The following SAFB2 variants were observed in gnomAD, a reference collection of about 807,000 sequenced individuals.
SAFB2 encodes scaffold attachment factor B2.
A neutral mutation model predicts 100.6 loss-of-function variants in SAFB2; 32 were observed. That is an observed-to-expected ratio of 0.32 (90% CI 0.24 to 0.43). SAFB2 has a LOEUF of 0.43. Ranked by LOEUF, SAFB2 falls within the 20% of genes least tolerant of loss-of-function variation. SAFB2 has a pLI of 1.00. For synonymous variants in SAFB2, 500 were observed against 439.4 expected (o/e 1.14, Z -1.72); for missense variants, 1,185 against 1,163.4 (o/e 1.02, Z -0.27).
Position 5,610,713 on chromosome 19 carries a change from C to A in SAFB2, c.1146-25G>T, listed in dbSNP as rs1316799241. 2 of 1,468,304 alleles carry A rather than the reference C, an allele frequency of 1.4e-6. No homozygotes were observed. The highest frequency in any genetic ancestry group is 2.0e-5 in the Admixed American group (1 of 49,146). The allele number at this position is 1,468,304 out of a possible 1,614,324, so 91.0% of individuals were successfully genotyped here. A position where few individuals can be genotyped will look rare whatever the true frequency, so the allele number is the denominator to read the frequency against. Reference sequence around the variant, plus strand: ...GCTAGAGACAAAAGTTAATGTTACTCATACAGGAAAAAAACGAAAGAGAAC... The same window carrying A: ...GCTAGAGACAAAAGTTAATGTTACTAATACAGGAAAAAAACGAAAGAGAAC... On this transcript the variant is annotated intron_variant, in intron 7 of 20. Coordinates refer to ENST00000252542, the MANE Select transcript of SAFB2 (RefSeq NM_014649.3).
intron 2 of SAFB2, among the ~76,000 whole-genome samples, chr19:5,620,833 C>T (rs1336688465): frequency 6.6e-6 from 1 of 152,166 alleles, no homozygotes; most frequent in Non-Finnish European, 1.5e-5. Flanking sequence ...GTGAATTAAA[C>T]CTTCACATTC....
chr19:5,608,825 G>A (rs1433437815), intron 9 of SAFB2, among the ~76,000 whole-genome samples: 13 of 152,270 alleles, frequency 8.5e-5, no homozygotes, highest in African/African-American at 2.4e-5. Flanking sequence ...CAAGCAGGCA[G>A]ATCACATAGG....
intron 1 of SAFB2, among the ~76,000 whole-genome samples, chr19:5,622,229 G>A (rs575821895): frequency 2.0e-5 from 3 of 152,350 alleles, no homozygotes; most frequent in Non-Finnish European, 4.4e-5. Flanking sequence ...AGGTCACAGA[G>A]CCAAGGCTCG....
intron 16 of SAFB2, among the ~76,000 whole-genome samples, chr19:5,592,367 A>G (rs1411540145): frequency 6.6e-6 from 1 of 152,198 alleles, no homozygotes; most frequent in African/African-American, 2.4e-5. Context: ...CTCGAAATAC[A>G]AAACAGGCCT....
intron 2 of SAFB2, among the ~76,000 whole-genome samples, chr19:5,621,016 G>C (rs540749583): frequency 1.1e-4 from 16 of 152,152 alleles, no homozygotes; most frequent in Non-Finnish European, 2.4e-4. Context: ...CCTCAGACCC[G>C]TAGAAGTAGC....
In SAFB2 at chr19:5,604,601, A is replaced by G. The variant is rs1291264340; in HGVS notation, c.1541T>C (p.Val514Ala). 4.3e-6 allele frequency: 7 copies of G among 1,613,756 alleles called. No homozygotes were observed. Among genetic ancestry groups the G allele is most frequent in the Non-Finnish European group, 5.9e-6 (7 of 1,179,798 alleles). The change falls in exon 11 of 21, where the codon GTG becomes GCG. Residue 514 changes from valine to alanine, a missense_variant. Transcript: ENST00000252542. ...ACTTTACTTTTCAATTTTGATCTCC[A>G]CAGAATGATGTCTGTCGACACTCGA... The part of the protein sequence containing the change: ...KLSSVDRHHS[V>A]EIKIEKTVIK...
At chr19:5,600,356 CACAAA>C (rs2052629727) in intron 11 of SAFB2, 96 bp from the exon 12 acceptor site, 8 of 1,515,902 alleles carry the variant, frequency 5.3e-6, no homozygotes, top group Non-Finnish European at 7.1e-6. Context: ...CAGACGTCCA[CACAAA>C]ACAAATCACC....
chr19:5,612,562 A>C lies in SAFB2; in HGVS notation c.612T>G (p.Ile204Met), dbSNP rs1455987238. Residue 204 changes from isoleucine to methionine, a missense_variant, in exon 6 of 21, where the codon ATT (isoleucine) becomes ATG (methionine). By Grantham distance (10) the Ile-to-Met change is conservative. This residue lies in a region of SAFB2 where 351 missense variants were observed against 341.2 expected (regional missense o/e 1.03). Transcript: ENST00000252542. ...TACCTGGCTCCAAAAGGGATTCTTC[A>C]ATGTCCTATTTAAAAAAGAAAAAGC... ...SSLNFKVTPD[I>M]EESLLEPENE... The C allele has an allele frequency of 6.2e-7, 1 of 1,613,358 alleles. No homozygotes were observed. The highest frequency in any genetic ancestry group is 1.3e-5 in the African/African-American group (1 of 75,030).
rs531938061 is a variant in SAFB2, at chr19:5,594,010, A to C, written c.2088T>G (p.Arg696=). The part of the protein sequence containing the change: ...RLERERMRVE[R]ERRKEQERIH... ...TGCGCTCCTGCTCCTTCCTGCGCTC[A>C]CGCTCCACGCGCATGCGCTCGCGCT... The change falls in exon 15 of 21, where the codon CGT becomes CGG. Residue 696 remains arginine, a synonymous_variant. Coordinates refer to ENST00000252542, the MANE Select transcript of SAFB2 (RefSeq NM_014649.3). 3.8e-5 allele frequency: 60 copies of C among 1,562,304 alleles called. 2 individuals carry two copies. The highest frequency in any genetic ancestry group is 2.9e-4 in the South Asian group (25 of 86,400).
At chr19:5,618,541 T>C (rs1459805238) in intron 2 of SAFB2, among the ~76,000 whole-genome samples, 2 of 152,212 alleles carry the variant, frequency 1.3e-5, no homozygotes, top group Non-Finnish European at 2.9e-5. Context: ...TTTTATTATC[T>C]GCATTTGACA....
rs761973646 is a variant in SAFB2, at chr19:5,604,563, G to A, written c.1559+20C>T. ...CCTCCTCCCAGGGATTCCAAGAGGA[G>A]GTTTGAAAATTCACTTTACTTTTCA... On this transcript the variant is annotated intron_variant, in intron 11 of 20. Coordinates refer to ENST00000252542, the MANE Select transcript of SAFB2 (RefSeq NM_014649.3). 10 of 1,591,880 alleles carry A rather than the reference G, an allele frequency of 6.3e-6. No individual in the cohort carries two copies. The Admixed American group carries it at 1.7e-4, about 27-fold the overall frequency.
chr19:5,605,828 A>AT (rs1269499650), intron 9 of SAFB2, among the ~76,000 whole-genome samples: 1 of 152,230 alleles, frequency 6.6e-6, no homozygotes, highest in Admixed American at 6.5e-5. Flanking sequence ...CACTGCCTAG[A>AT]TTCCCAGGCA....
intron 17 of SAFB2, among the ~76,000 whole-genome samples, chr19:5,591,132 G>A (rs1226232909): frequency 6.6e-6 from 1 of 152,130 alleles, no homozygotes; most frequent in Non-Finnish European, 1.5e-5. Flanking sequence ...GGACCCCACA[G>A]GCACTAAGAC....
chr19:5,592,702 G>A lies in SAFB2; in HGVS notation c.2348+45C>T, dbSNP rs750729404. On this transcript the variant is annotated intron_variant, in intron 16 of 20. Transcript: ENST00000252542. ...AGAACGAGGTCAGCTGGATGCCCCGGTGCCCACAATGACTGTAGCTAAAGG... is the reference window on the plus strand; with the variant it reads ...AGAACGAGGTCAGCTGGATGCCCCGATGCCCACAATGACTGTAGCTAAAGG... 5.0e-6 allele frequency: 8 copies of A among 1,608,796 alleles called. 1 individual carries two copies. In the South Asian group the frequency reaches 5.5e-5, roughly 11 times the overall value.
Position 5,610,692 on chromosome 19 carries a change from G to A in SAFB2, c.1146-4C>T, listed in dbSNP as rs757164421. 2 of 1,536,234 alleles carry A rather than the reference G, an allele frequency of 1.3e-6. No homozygotes were observed. The highest frequency in any genetic ancestry group is 2.3e-5 in the South Asian group (2 of 85,486). ...ATCTTTTTCTTCCTTAAAAGAGCTA[G>A]AGACAAAAGTTAATGTTACTCATAC... is the stretch of plus-strand genomic sequence containing the variant. On this transcript the variant is annotated splice_region_variant and splice_polypyrimidine_tract_variant and intron_variant, in intron 7 of 20. Coordinates refer to ENST00000252542, the MANE Select transcript of SAFB2 (RefSeq NM_014649.3).
At chr19:5,610,545 A>G in intron 8 of SAFB2, 94 bp downstream of exon 8, 1 of 932,434 alleles carries the variant, frequency 1.1e-6, no homozygotes, top group Non-Finnish European at 1.7e-6. Flanking sequence ...TAACAAAACA[A>G]ATTACTGAAT....
chr19:5,604,422 A>G (rs2052728546), intron 11 of SAFB2, among the ~76,000 whole-genome samples, 161 bp downstream of exon 11: 2 of 152,214 alleles, frequency 1.3e-5, no homozygotes, highest in Admixed American at 1.3e-4. Flanking sequence ...GCTGAATATT[A>G]AAGTGGCAGC....
intron 5 of SAFB2, 53 bp from the exon 6 acceptor site, chr19:5,612,620 T>C: frequency 7.0e-7 from 1 of 1,423,312 alleles, no homozygotes; most frequent in Admixed American, 1.7e-5. Context: ...ACGGGGCACA[T>C]ACATTTCACC....
rs10647558 is a variant in SAFB2, at chr19:5,601,711, AAAAT to A, written c.1560-1455_1560-1452del. ...TGGCAACAGAGAGAGACTCCATCTCAAAATAAATAAATAAATAAATAAATAAATA... is the reference window on the plus strand; with the variant it reads ...TGGCAACAGAGAGAGACTCCATCTCAAAATAAATAAATAAATAAATAAATA... On this transcript the variant is annotated intron_variant, in intron 11 of 20. Transcript: ENST00000252542. Among the ~76,000 whole-genome samples the A allele has an allele frequency of 3.3e-3, 479 of 144,832 alleles. 5 individuals are homozygous for A. The highest frequency in any genetic ancestry group is 9.5e-3 in the African/African-American group (372 of 39,052).
Sources: allele counts gnomAD v4.1 joint callset (sites outside exome capture counted in the v4.1 genomes callset), GRCh38; gene constraint gnomAD v4.1.1; regional missense constraint gnomAD v4.1.1; transcripts MANE v1.5; gene names NCBI Gene and HGNC (gene_info 2026-07-23, HGNC 2026-07-21).